The following DACH2 variants were observed in gnomAD, a reference collection of about 807,000 sequenced individuals.
The protein encoded by DACH2 is dachshund homolog 2.
Under a neutral mutation model 35.8 loss-of-function variants are expected in DACH2, and 17 were observed. The observed-to-expected ratio is 0.48, with a 90% CI of 0.33 to 0.71. The LOEUF (loss-of-function observed/expected upper bound fraction) is 0.71. DACH2 is among the 30% of genes least tolerant of loss of function. The pLI, the probability that DACH2 is intolerant of heterozygous loss-of-function variation, is 0.02. For missense variants in DACH2, 469 were observed against 472.7 expected, an observed-to-expected ratio of 0.99 and a Z score of 0.07; for synonymous variants, 195 against 177.3, an observed-to-expected ratio of 1.10 and a Z score of -0.79.
chrX:86,316,495 T>C (rs1178571998), intron 1 of DACH2, among the ~76,000 whole-genome samples: 1 of 111,655 alleles, frequency 9.0e-6, no homozygotes, highest in Non-Finnish European at 1.9e-5. Flanking sequence ...TATTTATGCT[T>C]TTTGTTAGAA....
At chrX:86,585,711 G>A (rs1169539713) in intron 3 of DACH2, among the ~76,000 whole-genome samples, 2 of 110,953 alleles carry the variant, frequency 1.8e-5, no homozygotes, top group African/African-American at 6.5e-5. Context: ...ATGGCCTGGG[G>A]TTTCATCCAT....
intron 2 of DACH2, among the ~76,000 whole-genome samples, chrX:86,382,349 C>G (rs746782272): frequency 9.2e-6 from 1 of 108,783 alleles, no homozygotes; most frequent in East Asian, 2.9e-4. Flanking sequence ...ATGGGAAAGA[C>G]CACTGAGTTA....
intron 1 of DACH2, among the ~76,000 whole-genome samples, chrX:86,315,459 T>A (rs2034881157): frequency 8.9e-6 from 1 of 111,804 alleles, no homozygotes; most frequent in Non-Finnish European, 1.9e-5. Flanking sequence ...AAGGAGCAAT[T>A]TCGATGTTCA....
intron 1 of DACH2, among the ~76,000 whole-genome samples, chrX:86,162,078 C>CT (rs1321256408): frequency 4.4e-4 from 47 of 106,674 alleles, no homozygotes; most frequent in Admixed American, 1.2e-3. Flanking sequence ...TATTTTGTTT[C>CT]TTTTTTTTTT....
chrX:86,766,660 A>G (rs17252774), intron 7 of DACH2, among the ~76,000 whole-genome samples: 24 of 112,106 alleles, frequency 2.1e-4, no homozygotes, highest in Non-Finnish European at 4.1e-4. Flanking sequence ...CTAAGTTTGA[A>G]AAAGTCTTAC....
At chrX:86,271,615 G>A (rs2033814676) in intron 1 of DACH2, among the ~76,000 whole-genome samples, 1 of 111,418 alleles carries the variant, frequency 9.0e-6, no homozygotes, top group African/African-American at 3.3e-5. Context: ...GACGGTAGAA[G>A]CAGTAAGAAC....
chrX:86,661,821 A>G (rs1245799391), intron 4 of DACH2, among the ~76,000 whole-genome samples: 1 of 112,224 alleles, frequency 8.9e-6, no homozygotes, highest in African/African-American at 3.2e-5. Flanking sequence ...GTTTCAAAAA[A>G]TAGATTTTCA....
At chrX:86,776,354 A>C (rs1363815832) in intron 7 of DACH2, among the ~76,000 whole-genome samples, 1 of 111,432 alleles carries the variant, frequency 9.0e-6, no homozygotes, top group African/African-American at 3.3e-5. Flanking sequence ...ATCTCATCTG[A>C]AGCTAATTAC....
At chrX:86,583,592 G>A (rs1288264049) in intron 3 of DACH2, among the ~76,000 whole-genome samples, 1 of 107,896 alleles carries the variant, frequency 9.3e-6, no homozygotes, top group Non-Finnish European at 1.9e-5. Flanking sequence ...TAGGGTACAT[G>A]TGCACTGTTT....
At chrX:86,797,710 C>A (rs970039706) in intron 7 of DACH2, among the ~76,000 whole-genome samples, 1 of 111,313 alleles carries the variant, frequency 9.0e-6, no homozygotes, top group Non-Finnish European at 1.9e-5. Context: ...GCTGTTTTAA[C>A]CTGTAGATAT....
intron 3 of DACH2, among the ~76,000 whole-genome samples, chrX:86,522,459 A>T (rs765971736): frequency 1.8e-5 from 2 of 111,648 alleles, no homozygotes. Flanking sequence ...CTATGTAACT[A>T]TCGACATATA....
chrX:86,402,765 C>A (rs1048050915), intron 2 of DACH2, among the ~76,000 whole-genome samples: 7 of 111,897 alleles, frequency 6.3e-5, no homozygotes, highest in Admixed American at 4.8e-4. Flanking sequence ...AGACATCATA[C>A]AACCTGACTT....
chrX:86,485,288 C>T (rs1384698958), intron 2 of DACH2, among the ~76,000 whole-genome samples: 1 of 111,473 alleles, frequency 9.0e-6, no homozygotes, highest in East Asian at 2.8e-4. Context: ...CAAGAGGACA[C>T]TGCAAGATCT....
At chrX:86,343,107 T>C (rs986464448) in intron 1 of DACH2, among the ~76,000 whole-genome samples, 3 of 112,272 alleles carry the variant, frequency 2.7e-5, no homozygotes, top group Non-Finnish European at 3.8e-5. Context: ...TGACTTGTTT[T>C]ATTGTGATAC....
At chrX:86,590,898 T>C (rs2039636036) in intron 3 of DACH2, among the ~76,000 whole-genome samples, 1 of 111,125 alleles carries the variant, frequency 9.0e-6, no homozygotes, top group Non-Finnish European at 1.9e-5. Flanking sequence ...TGTGCCATGT[T>C]GGTGTGCTGC....
At chrX:86,631,411 C>A (rs1318058180) in intron 3 of DACH2, among the ~76,000 whole-genome samples, 2 of 112,052 alleles carry the variant, frequency 1.8e-5, no homozygotes, top group Admixed American at 1.9e-4. Flanking sequence ...ATACCACCAG[C>A]TGTTTTATTA....
At chrX:86,204,895 G>C (rs1031076055) in intron 1 of DACH2, among the ~76,000 whole-genome samples, 20 of 111,477 alleles carry the variant, frequency 1.8e-4, no homozygotes, top group African/African-American at 6.2e-4. Context: ...AGTTTTGTTG[G>C]TTATAGTTTT....
intron 1 of DACH2, among the ~76,000 whole-genome samples, chrX:86,208,028 A>G (rs1315606413): frequency 9.0e-6 from 1 of 110,891 alleles, no homozygotes; most frequent in Non-Finnish European, 1.9e-5. Context: ...ATAAAAGCAG[A>G]AACACAACCC....
At chrX:86,390,764 A>G (rs760308191) in intron 2 of DACH2, among the ~76,000 whole-genome samples, 1 of 107,988 alleles carries the variant, frequency 9.3e-6, no homozygotes, top group South Asian at 4.2e-4. Context: ...TAATTTTTGT[A>G]TTTTTAGTTA....
Sources: allele counts gnomAD v4.1 joint callset (sites outside exome capture counted in the v4.1 genomes callset), GRCh38; gene constraint gnomAD v4.1.1; transcripts MANE v1.5; gene names NCBI Gene and HGNC (gene_info 2026-07-23, HGNC 2026-07-21).